Variants in RAB27A observed in about 807,000 individuals in gnomAD.
RAB27A encodes the protein RAB27A, member RAS oncogene family, also known as ras-related protein Rab-27A.
RAB27A carries 17 observed loss-of-function variants against 20.8 expected under a neutral mutation model. The observed-to-expected ratio is 0.82, with a 90% CI of 0.56 to 1.23. The LOEUF (loss-of-function observed/expected upper bound fraction) is 1.23, where lower values mean the gene tolerates loss of function less well. RAB27A is among the 50% of genes most tolerant of loss of function. The pLI, the probability that RAB27A is intolerant of heterozygous loss-of-function variation, is 0.00. For missense variants in RAB27A, 277 were observed against 266.7 expected, an observed-to-expected ratio of 1.04 and a Z score of -0.27; for synonymous variants, 85 against 92.8, an observed-to-expected ratio of 0.92 and a Z score of 0.48.
chr15:55,264,303 G>C (rs182385881), intron 2 of RAB27A, among the ~76,000 whole-genome samples: 1 of 152,228 alleles, frequency 6.6e-6, no homozygotes, highest in East Asian at 1.9e-4. Flanking sequence ...AGCCGGCCTC[G>C]GCCTCCCAAA....
chr15:55,254,164 A>T (rs1896997814), intron 2 of RAB27A, among the ~76,000 whole-genome samples: 1 of 152,214 alleles, frequency 6.6e-6, no homozygotes. Context: ...ATATACCAAC[A>T]AATTTGGCTG....
chr15:55,231,588 A>G (rs533514841), intron 3 of RAB27A, among the ~76,000 whole-genome samples: 3 of 152,154 alleles, frequency 2.0e-5, no homozygotes, highest in African/African-American at 7.2e-5. Context: ...CATCCCCCTC[A>G]CTCAAGCTTT....
intron 2 of RAB27A, among the ~76,000 whole-genome samples, chr15:55,262,948 C>T (rs1315233695): frequency 6.6e-6 from 1 of 152,168 alleles, no homozygotes; most frequent in Admixed American, 6.5e-5. Flanking sequence ...CAAGGAAGTT[C>T]ATCTATCCTA....
chr15:55,303,797 AG>A (rs1367403688), intron 2 of RAB27A, among the ~76,000 whole-genome samples: 9 of 108,112 alleles, frequency 8.3e-5, no homozygotes, highest in South Asian at 3.4e-4. Context: ...TGGGGGGGTC[AG>A]CCCCCCGCCC....
chr15:55,264,479 G>A (rs1897390100), intron 2 of RAB27A, among the ~76,000 whole-genome samples: 1 of 152,132 alleles, frequency 6.6e-6, no homozygotes. Context: ...CTGTTTTAGA[G>A]AAAAATAAAC....
intron 6 of RAB27A, 70 bp downstream of exon 6, chr15:55,223,819 T>A (rs1895685389): frequency 6.4e-7 from 1 of 1,571,848 alleles, no homozygotes; most frequent in South Asian, 1.1e-5. Context: ...TTTATCTTTT[T>A]CATTACCATT....
At chr15:55,222,757 A>C (rs932714480) in intron 6 of RAB27A, among the ~76,000 whole-genome samples, 15 of 150,862 alleles carry the variant, frequency 9.9e-5, no homozygotes, top group Non-Finnish European at 1.5e-5. Context: ...CCAAAGCCAC[A>C]AACTAGGTAA....
intron 3 of RAB27A, 30 bp downstream of exon 3, chr15:55,234,752 C>A (rs1259171940): frequency 7.6e-6 from 12 of 1,587,022 alleles, no homozygotes; most frequent in Non-Finnish European, 1.0e-5. Flanking sequence ...TTAACGATTA[C>A]ATTTTTACAT....
rs570785371 is a variant in RAB27A at position 55,241,146 on chromosome 15, T to C, written c.-22-6190A>G. Among the ~76,000 whole-genome samples the C allele has an allele frequency of 7.2e-5, 11 of 152,280 alleles. No homozygotes were observed. In the East Asian group the frequency reaches 1.2e-3, roughly 16 times the overall value. ...TTTCCTAGAAGTATAAGAAAGTACA[T>C]TGAGCCCCTAAACCAAAAATTAATT... On this transcript the variant is annotated intron_variant, in intron 2 of 6. Transcript: ENST00000336787.
chr15:55,216,047 G>A (rs936360601), intron 6 of RAB27A, among the ~76,000 whole-genome samples: 5 of 150,556 alleles, frequency 3.3e-5, no homozygotes, highest in Non-Finnish European at 5.9e-5. Flanking sequence ...TCTGACAAAA[G>A]TTTAACCTCT....
intron 1 of RAB27A, chr15:55,289,004 T>C (rs922779750): frequency 6.6e-6 from 1 of 152,216 alleles, no homozygotes; most frequent in South Asian, 2.1e-4. Context: ...TGTTAAGCTG[T>C]AGGGGTAAGG....
At chr15:55,238,483 G>A (rs1367326135) in intron 2 of RAB27A, 1 of 152,036 alleles carries the variant, frequency 6.6e-6, no homozygotes. Flanking sequence ...AGATTTCCAG[G>A]TTTCTGTTCT....
intron 2 of RAB27A, among the ~76,000 whole-genome samples, chr15:55,252,852 T>C (rs1480304531): frequency 6.6e-6 from 1 of 152,118 alleles, no homozygotes; most frequent in Middle Eastern, 3.2e-3. Flanking sequence ...AAAGGCTCCC[T>C]GGCCGGGCGC....
intron 2 of RAB27A, 138 bp from the exon 3 acceptor site, chr15:55,235,094 A>T (rs1896201316): frequency 1.4e-6 from 1 of 704,810 alleles, no homozygotes; most frequent in Non-Finnish European, 2.4e-6. Flanking sequence ...AGAGAGTTAC[A>T]TACATATTGT....
At chr15:55,266,023 G>C (rs1897466459) in intron 2 of RAB27A, among the ~76,000 whole-genome samples, 1 of 152,222 alleles carries the variant, frequency 6.6e-6, no homozygotes, top group Non-Finnish European at 1.5e-5. Context: ...GAAATACACA[G>C]AGCATCAGAA....
chr15:55,283,770 G>A (rs767056104), intron 1 of RAB27A, among the ~76,000 whole-genome samples: 4 of 152,138 alleles, frequency 2.6e-5, no homozygotes, highest in Non-Finnish European at 5.9e-5. Flanking sequence ...TTTAAGTCAT[G>A]ACCTATTTCT....
chr15:55,294,033 G>T (rs1422863982), upstream of RAB27A, among the ~76,000 whole-genome samples: 2 of 152,074 alleles, frequency 1.3e-5, no homozygotes, highest in African/African-American at 4.8e-5. Context: ...TGAAGAAATG[G>T]AAAAGTGTAT....
At chr15:55,214,189 C>T (rs2140926354) in intron 6 of RAB27A, among the ~76,000 whole-genome samples, 1 of 152,342 alleles carries the variant, frequency 6.6e-6, no homozygotes, top group East Asian at 1.9e-4. Context: ...GTAATCCCAG[C>T]ACTTTGGGAG....
chr15:55,283,899 A>C (rs1037649011), intron 1 of RAB27A, among the ~76,000 whole-genome samples: 1 of 152,232 alleles, frequency 6.6e-6, no homozygotes, highest in African/African-American at 2.4e-5. Flanking sequence ...AATACACAGC[A>C]GATTAGTATT....
Sources: allele counts gnomAD v4.1 joint callset (sites outside exome capture counted in the v4.1 genomes callset), GRCh38; gene constraint gnomAD v4.1.1; transcripts MANE v1.5; gene names NCBI Gene and HGNC (gene_info 2026-07-23, HGNC 2026-07-21).